Variants in ZNF568 observed in about 807,000 individuals in gnomAD.
The protein encoded by ZNF568 is zinc finger protein 568.
Under a neutral mutation model 18.1 loss-of-function variants are expected in ZNF568, and 11 were observed. That is an observed-to-expected ratio of 0.61 (90% confidence interval 0.38 to 1.00). The LOEUF (loss-of-function observed/expected upper bound fraction) is 1.00. Among genes scored for constraint, ZNF568 ranks in the 50% least tolerant of loss-of-function variants. ZNF568 has a pLI of 0.01. For synonymous variants in ZNF568, 213 were observed against 246.6 expected (o/e 0.86, Z 1.28); for missense variants, 639 against 768.2 (o/e 0.83, Z 1.99).
chr19:36,989,034 T>C (rs1416428674), intron 2 of ZNF568, among the ~76,000 whole-genome samples: 1 of 152,204 alleles, frequency 6.6e-6, no homozygotes, highest in Non-Finnish European at 1.5e-5. Flanking sequence ...ACTGTTCTGC[T>C]CTCTGCTTCT....
chr19:36,988,642 C>T (rs1318464991), intron 2 of ZNF568, among the ~76,000 whole-genome samples: 1 of 152,196 alleles, frequency 6.6e-6, no homozygotes, highest in Non-Finnish European at 1.5e-5. Context: ...CCGCCAGGCC[C>T]TCCCTCCAAC....
At chr19:36,948,570 T>C (rs1241968382) in intron 6 of ZNF568, among the ~76,000 whole-genome samples, 1 of 151,878 alleles carries the variant, frequency 6.6e-6, no homozygotes. Flanking sequence ...CATTTTGCAG[T>C]CCCACCAGCA....
chr19:36,961,268 T>C (rs2074147030), intron 6 of ZNF568, among the ~76,000 whole-genome samples: 1 of 106,586 alleles, frequency 9.4e-6, no homozygotes, highest in African/African-American at 3.8e-5. Flanking sequence ...TATAATGACC[T>C]TCTTTGTCTT....
chr19:36,978,821 A>G (rs1000261706), intron 7 of ZNF568, among the ~76,000 whole-genome samples: 1 of 152,114 alleles, frequency 6.6e-6, no homozygotes, highest in Non-Finnish European at 1.5e-5. Context: ...TCCATTGTGC[A>G]AGAAACACAA....
At chr19:36,964,589 G>T (rs1414741453) in intron 6 of ZNF568, among the ~76,000 whole-genome samples, 6 of 152,192 alleles carry the variant, frequency 3.9e-5, no homozygotes, top group African/African-American at 1.4e-4. Context: ...AGGGTGGGAA[G>T]ATAGCTTGAG....
intron 6 of ZNF568, among the ~76,000 whole-genome samples, chr19:36,945,962 G>C (rs1030557531): frequency 6.6e-6 from 1 of 151,918 alleles, no homozygotes; most frequent in Non-Finnish European, 1.5e-5. Context: ...GGGCGTGGTG[G>C]TGTGCGCCTG....
At chr19:36,961,817 T>G (rs1481189621) in intron 6 of ZNF568, among the ~76,000 whole-genome samples, 2 of 151,542 alleles carry the variant, frequency 1.3e-5, no homozygotes, top group Non-Finnish European at 2.9e-5. Context: ...GCCACTGACC[T>G]GGCTAAAGGT....
rs377015408 is a variant in ZNF568 at position 36,960,742 on chromosome 19, AT to A, written c.359-13669del. 3.6e-4 allele frequency among the ~76,000 whole-genome samples: 49 copies of A among 137,114 alleles called. 1 individual carries two copies. The highest frequency in any genetic ancestry group is 1.9e-3 in the East Asian group (9 of 4,646). The allele number at this position is 137,114 out of a possible 152,430, so 90.0% of individuals were successfully genotyped here. On this transcript the variant is annotated intron_variant, in intron 6 of 7. Coordinates refer to the ZNF568 transcript ENST00000427117. ...AAACTCCATCTCAAAAAAAAAAAAA[AT>A]TTTTTTTTCTTTCAATTTTCATTTT...
rs778286729 is a variant in ZNF568, at chr19:36,950,464, G to A, written c.1311G>A (p.Met437Ile). ...AGAGTTCATCCCTAACCGTACATATGCGAAATCATACAGCTGAGAAACCCT... is the reference window on the plus strand; with the variant it reads ...AGAGTTCATCCCTAACCGTACATATACGAAATCATACAGCTGAGAAACCCT... Reference protein sequence around the residue: ...FSQSSSLTVHMRNHTAEKPYE... With the variant: ...FSQSSSLTVHIRNHTAEKPYE... Residue 437 changes from methionine to isoleucine, a missense_variant, in exon 7 of 7, where the codon ATG (methionine) becomes ATA (isoleucine). Physicochemically the swap from Met to Ile is conservative, Grantham distance 10. Coordinates refer to ENST00000333987, the MANE Select transcript of ZNF568 (RefSeq NM_198539.4). 1.2e-5 allele frequency: 19 copies of A among 1,613,098 alleles called. No homozygotes were observed. The South Asian group carries it at 2.1e-4, about 18-fold the overall frequency.
chr19:36,995,774 T>G (rs774188885), intron 4 of ZNF568, among the ~76,000 whole-genome samples: 92 of 152,320 alleles, frequency 6.0e-4, no homozygotes, highest in Non-Finnish European at 1.1e-3. Context: ...CTAGTTTGGA[T>G]TAATACTAGC....
intron 7 of ZNF568, among the ~76,000 whole-genome samples, chr19:36,977,982 T>C (rs1193813273): frequency 6.6e-6 from 1 of 152,194 alleles, no homozygotes; most frequent in Non-Finnish European, 1.5e-5. Context: ...GTGCCCAATT[T>C]CATTGCTTCT....
rs28412852 is a variant in ZNF568, at chr19:36,951,805, T to G, written c.*717T>G. The G allele has an allele frequency of 0.21, 64,698 of 308,840 alleles. 7,052 individuals are homozygous for G. Among genetic ancestry groups the G allele is most frequent in the African/African-American group, 0.28 (12,388 of 43,890 alleles). The allele number at this position is 308,840 out of a possible 1,614,324, so 19.1% of individuals were successfully genotyped here. ...TTTTGTTTTGTTTTGTTTTTTGTAT[T>G]TTTAGTAGAGACGGGGTTTCACCAT... On this transcript the variant is annotated 3_prime_UTR_variant, in exon 7 of 7. Transcript: ENST00000333987.
intron 6 of ZNF568, among the ~76,000 whole-genome samples, chr19:36,972,942 C>T (rs900407070): frequency 6.6e-6 from 1 of 152,356 alleles, no homozygotes; most frequent in African/African-American, 2.4e-5. Context: ...GAAGCCTCCA[C>T]GGCCCCACAG....
intron 4 of ZNF568, among the ~76,000 whole-genome samples, chr19:36,928,753 G>T (rs2073628286): frequency 6.6e-6 from 1 of 152,054 alleles, no homozygotes. Flanking sequence ...ATGGAAGAAT[G>T]ATGCTCAGAC....
At chr19:36,968,252 C>A (rs1353299697) in intron 6 of ZNF568, among the ~76,000 whole-genome samples, 1 of 152,002 alleles carries the variant, frequency 6.6e-6, no homozygotes, top group Non-Finnish European at 1.5e-5. Flanking sequence ...TATTAATTTA[C>A]ATGAAAATGT....
Position 36,937,250 on chromosome 19 carries a change from A to C in ZNF568, c.358+8A>C. ...TTGGGAGGCACTGTCCAGGTGAATA[A>C]GTGAAAAGCAGCTCTGAATGAGAAA... On this transcript the variant is annotated splice_region_variant and intron_variant, in intron 6 of 6. Transcript: ENST00000333987. 6.2e-7 allele frequency: 1 copy of C among 1,609,872 alleles called. No homozygotes were observed. The highest frequency in any genetic ancestry group is 8.5e-7 in the Non-Finnish European group (1 of 1,176,926).
chr19:36,936,912 C>A (rs1043135409), intron 5 of ZNF568, 40 bp downstream of exon 5: 9 of 1,601,784 alleles, frequency 5.6e-6, no homozygotes, highest in African/African-American at 1.3e-5. Context: ...ACAGAGAATT[C>A]TTTTCCATTT....
In ZNF568 at chr19:36,936,866, A is replaced by G; in HGVS notation, c.256A>G (p.Thr86Ala). The G allele has an allele frequency of 6.2e-7, 1 of 1,613,772 alleles. No individual in the cohort carries two copies. Among genetic ancestry groups the G allele is most frequent in the South Asian group, 1.1e-5 (1 of 91,058 alleles). ...GCTGGAGAACTACAGCAACCTAGTC[A>G]CAGTGGGTAAGGTGGCTTGGTAGCC... ...VMLENYSNLV[T>A]VGCQVTKPDV... is the part of the protein sequence containing the mutation. Residue 86 changes from threonine (T) to alanine (A), a missense_variant, in exon 5 of 7, where the codon ACA (threonine) becomes GCA (alanine). Thr to Ala is a moderately conservative substitution (Grantham distance 58). Transcript: ENST00000333987.
At chr19:36,961,856 AT>A (rs1325904941) in intron 6 of ZNF568, among the ~76,000 whole-genome samples, 1 of 146,870 alleles carries the variant, frequency 6.8e-6, no homozygotes, top group Non-Finnish European at 1.5e-5. Flanking sequence ...CTTTGTCTCT[AT>A]CATATTGTTA....
Sources: allele counts gnomAD v4.1 joint callset (sites outside exome capture counted in the v4.1 genomes callset), GRCh38; gene constraint gnomAD v4.1.1; transcripts MANE v1.5; gene names NCBI Gene and HGNC (gene_info 2026-07-23, HGNC 2026-07-21).